GRIA4: variants seen among roughly 807,000 people sequenced by gnomAD.
The protein encoded by GRIA4 is glutamate receptor 4.
In GRIA4, 34 loss-of-function variants were observed where a neutral mutation model predicts 104.0. The observed-to-expected ratio is 0.33, with a 90% CI of 0.25 to 0.44. The LOEUF is 0.44. Ranked by LOEUF, GRIA4 falls within the 20% of genes least tolerant of loss-of-function variation. The pLI, the probability that GRIA4 is intolerant of heterozygous loss-of-function variation, is 1.00. For missense variants in GRIA4, 750 were observed against 1,096.5 expected (o/e 0.68, Z 4.46); for synonymous variants, 386 against 381.9 (o/e 1.01, Z -0.13).
At chr11:105,641,248 T>A (rs1951350748) in intron 3 of GRIA4, among the ~76,000 whole-genome samples, 2 of 152,166 alleles carry the variant, frequency 1.3e-5, no homozygotes, top group Non-Finnish European at 2.9e-5. Flanking sequence ...ATCAACTATA[T>A]TAATTTTAAT....
intron 14 of GRIA4, among the ~76,000 whole-genome samples, chr11:105,967,979 A>C (rs1858479331): frequency 6.6e-6 from 1 of 152,224 alleles, no homozygotes; most frequent in Non-Finnish European, 1.5e-5. Context: ...ATGTAAAATA[A>C]GGAGAAAAAG....
At chr11:105,672,299 A>C (rs1952400182) in intron 3 of GRIA4, among the ~76,000 whole-genome samples, 1 of 152,128 alleles carries the variant, frequency 6.6e-6, no homozygotes, top group Non-Finnish European at 1.5e-5. Flanking sequence ...AACTGGGCCA[A>C]GTGCTATGGG....
chr11:105,641,946 G>A (rs1221908353), intron 3 of GRIA4, among the ~76,000 whole-genome samples: 1 of 152,124 alleles, frequency 6.6e-6, no homozygotes, highest in African/African-American at 2.4e-5. Context: ...TGAGATCAAG[G>A]AGGCAGCAAA....
rs1339500190 is a variant in GRIA4, at chr11:105,980,409, A to G, written c.*670A>G. On this transcript the variant is annotated 3_prime_UTR_variant, in exon 17 of 17. Transcript: ENST00000282499. ...GGAACAATACATTGCAATAATTGAT[A>G]TAAATGCCATCACTGTAATAAACTT... 1 of 152,680 alleles carries G rather than the reference A, an allele frequency of 6.5e-6. No homozygotes were observed. Among genetic ancestry groups the G allele is most frequent in the Non-Finnish European group, 1.5e-5 (1 of 68,040 alleles). 9.5% of individuals were successfully genotyped at this position (152,680 alleles called of 1,614,324 possible). A position where few individuals can be genotyped will look rare whatever the true frequency, so the allele number is the denominator to read the frequency against.
intron 10 of GRIA4, among the ~76,000 whole-genome samples, chr11:105,916,790 G>A (rs915014378): frequency 1.3e-5 from 2 of 152,110 alleles, no homozygotes; most frequent in African/African-American, 4.8e-5. Context: ...ACCTTCAACT[G>A]TAGTACCAAA....
At chr11:105,815,593 C>A (rs1565258474) in intron 4 of GRIA4, among the ~76,000 whole-genome samples, 1 of 152,010 alleles carries the variant, frequency 6.6e-6, no homozygotes. Context: ...GCCGCTCCAG[C>A]TGTTACTGCC....
chr11:105,891,220 C>T (rs1946443790), intron 6 of GRIA4, among the ~76,000 whole-genome samples: 1 of 152,090 alleles, frequency 6.6e-6, no homozygotes, highest in African/African-American at 2.4e-5. Flanking sequence ...GCTGCAAATA[C>T]AGTAAAAGAC....
Position 105,887,580 on chromosome 11 carries a change from C to T in GRIA4, c.726+8C>T. The T allele has an allele frequency of 7.8e-7, 1 of 1,278,830 alleles. No individual in the cohort carries two copies. The highest frequency in any genetic ancestry group is 1.3e-5 in the South Asian group (1 of 79,590). The allele number at this position is 1,278,830 out of a possible 1,614,324, so 79.2% of individuals were successfully genotyped here. On this transcript the variant is annotated splice_region_variant and intron_variant, in intron 6 of 16. Transcript: ENST00000282499. ...TATATCATTGCAAACTTGGTAAGAA[C>T]TTCTTATTTTCTACTTTTCATAAGA...
At chr11:105,611,261 C>G (rs1950472391) in intron 2 of GRIA4, among the ~76,000 whole-genome samples, 176 bp downstream of exon 2, 1 of 152,056 alleles carries the variant, frequency 6.6e-6, no homozygotes, top group South Asian at 2.1e-4. Flanking sequence ...GTGCAGGTTC[C>G]GTTGGAATAC....
At chr11:105,763,924 T>C (rs192876731) in intron 4 of GRIA4, among the ~76,000 whole-genome samples, 2 of 152,336 alleles carry the variant, frequency 1.3e-5, no homozygotes, top group East Asian at 3.9e-4. Flanking sequence ...AACGGGTATG[T>C]CAGATTTCTA....
chr11:105,942,037 T>G (rs1409518600), intron 14 of GRIA4, among the ~76,000 whole-genome samples: 1 of 152,126 alleles, frequency 6.6e-6, no homozygotes, highest in African/African-American at 2.4e-5. Flanking sequence ...GTATACCTAT[T>G]TTGCATTGCT....
chr11:105,961,266 A>G (rs888476277), intron 14 of GRIA4, among the ~76,000 whole-genome samples: 2 of 152,212 alleles, frequency 1.3e-5, no homozygotes, highest in African/African-American at 4.8e-5. Flanking sequence ...ATTTTAGTTT[A>G]ACTTCAAATA....
At chr11:105,781,599 G>A (rs572131330) in intron 4 of GRIA4, among the ~76,000 whole-genome samples, 1 of 152,046 alleles carries the variant, frequency 6.6e-6, no homozygotes, top group Non-Finnish European at 1.5e-5. Context: ...CATCTATATA[G>A]AGTACGTCTT....
chr11:105,665,950 A>G (rs1952151896), intron 3 of GRIA4, among the ~76,000 whole-genome samples: 1 of 152,052 alleles, frequency 6.6e-6, no homozygotes, highest in African/African-American at 2.4e-5. Context: ...TTGTTGCCCA[A>G]GAAGGATACT....
intron 4 of GRIA4, among the ~76,000 whole-genome samples, chr11:105,764,773 A>T (rs148275695): frequency 2.0e-5 from 3 of 151,710 alleles, no homozygotes. Context: ...AGGAAAAGGC[A>T]GGTAGTTTAT....
At chr11:105,712,354 A>G (rs1953940648) in intron 3 of GRIA4, among the ~76,000 whole-genome samples, 1 of 152,148 alleles carries the variant, frequency 6.6e-6, no homozygotes, top group Non-Finnish European at 1.5e-5. Context: ...CTGTTGTTAT[A>G]TTAGTCAGAT....
Position 105,622,554 on chromosome 11 carries a change from T to C in GRIA4, c.247+10120T>C, listed in dbSNP as rs555001702. ...AGTCTTGCTTCTTCTATTATTTCCTTTTTTTTTCTTTCTTCTGATTGTCAC... is the reference window on the plus strand; with the variant it reads ...AGTCTTGCTTCTTCTATTATTTCCTCTTTTTTTCTTTCTTCTGATTGTCAC... On this transcript the variant is annotated intron_variant, in intron 3 of 16. Coordinates refer to ENST00000282499, the MANE Select transcript of GRIA4 (RefSeq NM_000829.4). Among the ~76,000 whole-genome samples, 26 of 151,706 alleles carry C rather than the reference T, an allele frequency of 1.7e-4. 1 individual carries two copies. In the South Asian group the frequency reaches 5.4e-3, roughly 32 times the overall value.
intron 3 of GRIA4, among the ~76,000 whole-genome samples, chr11:105,698,212 T>C (rs1324086973): frequency 6.6e-6 from 1 of 152,176 alleles, no homozygotes; most frequent in Non-Finnish European, 1.5e-5. Flanking sequence ...CCATAACATA[T>C]ATATTAATTA....
rs150437967 is a variant in GRIA4, at chr11:105,660,916, T to A, written c.247+48482T>A. Among the ~76,000 whole-genome samples the A allele has an allele frequency of 5.1e-3, 777 of 151,748 alleles. 4 individuals are homozygous for A. Among genetic ancestry groups the A allele is most frequent in the Non-Finnish European group, 6.5e-3 (442 of 67,704 alleles). On this transcript the variant is annotated intron_variant, in intron 3 of 16. Transcript: ENST00000282499. ...TTATTTTCAAAGTTTAGGATCAACC[T>A]GTAGATAAGTTTATAGAGAAGGTAA...
Sources: allele counts gnomAD v4.1 joint callset (sites outside exome capture counted in the v4.1 genomes callset), GRCh38; gene constraint gnomAD v4.1.1; transcripts MANE v1.5; gene names NCBI Gene and HGNC (gene_info 2026-07-23, HGNC 2026-07-21).